Variants in SLC38A11 observed in about 807,000 individuals in gnomAD.
The protein encoded by SLC38A11 is solute carrier family 38 member 11.
SLC38A11 carries 51 observed loss-of-function variants against 49.4 expected under a neutral mutation model. That is an observed-to-expected ratio of 1.03 (90% confidence interval 0.83 to 1.30). The LOEUF is 1.30. Among genes scored for constraint, SLC38A11 ranks in the 50% most tolerant of loss-of-function variants. SLC38A11 has a pLI of 0.00. For synonymous variants in SLC38A11, 203 were observed against 192.9 expected (o/e 1.05, Z -0.43); for missense variants, 574 against 556.2 (o/e 1.03, Z -0.32).
In SLC38A11 at chr2:164,955,345, C is replaced by G. The variant is rs139992776; in HGVS notation, c.-98G>C. On this transcript the variant is annotated 5_prime_UTR_variant, in exon 1 of 12. Coordinates refer to ENST00000685975, the MANE Select transcript of SLC38A11 (RefSeq NM_001351537.2). ...CGCCACCTCGCACACAGCCGAGGTC[C>G]GCGTGTAGCCGCAGAGCTGCAGGGA... 26 of 1,182,616 alleles carry G rather than the reference C, an allele frequency of 2.2e-5. No homozygotes were observed. The highest frequency in any genetic ancestry group is 3.1e-5 in the Non-Finnish European group (25 of 816,924). The allele number at this position is 1,182,616 out of a possible 1,614,324, so 73.3% of individuals were successfully genotyped here.
At chr2:164,902,769 GTAACT>G (rs1327246259) in intron 11 of SLC38A11, among the ~76,000 whole-genome samples, 2 of 152,070 alleles carry the variant, frequency 1.3e-5, no homozygotes, top group Non-Finnish European at 2.9e-5. Context: ...TCCCAATTAT[GTAACT>G]TTTTGAATTT....
At position 164,947,051 on chromosome 2, in the gene SLC38A11, T is replaced by C. The variant is rs561135951; in HGVS notation, c.230-1324A>G. On this transcript the variant is annotated intron_variant, in intron 3 of 11. Coordinates refer to ENST00000685975, the MANE Select transcript of SLC38A11 (RefSeq NM_001351537.2). ...TTTTCTTCCTGCTGTTTTGGTCATT[T>C]ATACTCAATTTTTCACCAGTTTCTT... Among the ~76,000 whole-genome samples the C allele has an allele frequency of 2.6e-5, 4 of 151,880 alleles. No homozygotes were observed. In the East Asian group the frequency reaches 7.7e-4, roughly 29 times the overall value.
intron 11 of SLC38A11, among the ~76,000 whole-genome samples, chr2:164,904,901 T>C (rs1474396961): frequency 1.3e-5 from 2 of 152,124 alleles, no homozygotes; most frequent in African/African-American, 4.8e-5. Flanking sequence ...CTCAGAGTAG[T>C]GTAATGATTT....
intron 3 of SLC38A11, chr2:164,949,904 TTTGTTGTTG>T (rs138970597): frequency 6.6e-5 from 10 of 151,994 alleles, no homozygotes; most frequent in Non-Finnish European, 1.2e-4. Flanking sequence ...AATGCAATAT[TTTGTTGTTG>T]TTGTTGTTGT....
At chr2:164,947,643 T>C (rs1688229776) in intron 3 of SLC38A11, among the ~76,000 whole-genome samples, 1 of 152,246 alleles carries the variant, frequency 6.6e-6, no homozygotes, top group African/African-American at 2.4e-5. Flanking sequence ...AATTTGGTTA[T>C]TGGTTCTGGA....
At chr2:164,940,474 G>T (rs1476820284) in intron 5 of SLC38A11, among the ~76,000 whole-genome samples, 2 of 150,806 alleles carry the variant, frequency 1.3e-5, no homozygotes, top group Admixed American at 1.3e-4. Context: ...TTGTTACGAT[G>T]TCTTCAGTGG....
At chr2:164,924,038 C>A (rs118088094) in intron 7 of SLC38A11, among the ~76,000 whole-genome samples, 1 of 152,294 alleles carries the variant, frequency 6.6e-6, no homozygotes, top group East Asian at 1.9e-4. Flanking sequence ...CAGCAGTACT[C>A]ACAATAGCCA....
chr2:164,926,237 C>G (rs929874993), intron 7 of SLC38A11, among the ~76,000 whole-genome samples: 1 of 152,154 alleles, frequency 6.6e-6, no homozygotes, highest in African/African-American at 2.4e-5. Context: ...ACTTTCAATG[C>G]CCTATCAACT....
chr2:164,915,713 A>G lies in SLC38A11; in HGVS notation c.688+190T>C, dbSNP rs547768154. 1.7e-4 allele frequency: 93 copies of G among 534,132 alleles called. No homozygotes were observed. The East Asian group carries it at 2.4e-3, about 14-fold the overall frequency. 33.1% of individuals were successfully genotyped at this position (534,132 alleles called of 1,614,324 possible). A position where few individuals can be genotyped will look rare whatever the true frequency, so the allele number is the denominator to read the frequency against. ...TGAGAAATAGATTTCTCCAAATTGA[A>G]GCAAATTTTAGTGATGAGTGAGAAA... On this transcript the variant is annotated intron_variant, in intron 8 of 11. Coordinates refer to ENST00000685975, the MANE Select transcript of SLC38A11 (RefSeq NM_001351537.2).
At chr2:164,926,322 C>T (rs1314365050) in intron 7 of SLC38A11, among the ~76,000 whole-genome samples, 1 of 152,180 alleles carries the variant, frequency 6.6e-6, no homozygotes, top group South Asian at 2.1e-4. Context: ...ACTCTCTAGG[C>T]TCATTTCCTT....
chr2:164,908,840 T>G, intron 10 of SLC38A11, 69 bp from the exon 11 acceptor site: 1 of 1,486,984 alleles, frequency 6.7e-7, no homozygotes, highest in Non-Finnish European at 9.1e-7. Context: ...GGGAGTATTT[T>G]ACAATAGTAT....
At chr2:164,900,828 T>A (rs976796860) in intron 11 of SLC38A11, among the ~76,000 whole-genome samples, 1 of 151,406 alleles carries the variant, frequency 6.6e-6, no homozygotes, top group South Asian at 2.1e-4. Flanking sequence ...TATTTATTTT[T>A]AGTTTTATAG....
chr2:164,952,949 A>T (rs898808370), intron 2 of SLC38A11, 168 bp from the exon 3 acceptor site: 1 of 571,434 alleles, frequency 1.7e-6, no homozygotes, highest in African/African-American at 2.0e-5. Flanking sequence ...TTAGGTATTA[A>T]TACTTATTTC....
At chr2:164,929,422 C>A (rs560199984) in intron 7 of SLC38A11, among the ~76,000 whole-genome samples, 34 of 152,096 alleles carry the variant, frequency 2.2e-4, no homozygotes, top group Non-Finnish European at 4.0e-4. Flanking sequence ...CTGTAATCAT[C>A]ATACATCTTT....
intron 9 of SLC38A11, chr2:164,912,532 G>A (rs1685472764): frequency 6.6e-6 from 1 of 152,040 alleles, no homozygotes; most frequent in Admixed American, 6.6e-5. Flanking sequence ...AATCCTGAAA[G>A]GAAGAGTAAA....
At chr2:164,946,375 G>A (rs1028685205) in intron 3 of SLC38A11, among the ~76,000 whole-genome samples, 3 of 151,884 alleles carry the variant, frequency 2.0e-5, no homozygotes, top group Non-Finnish European at 2.9e-5. Context: ...AGGCCATCCC[G>A]GCCAACGTGG....
intron 3 of SLC38A11, among the ~76,000 whole-genome samples, chr2:164,951,527 TG>T (rs1483487733): frequency 1.3e-5 from 2 of 151,986 alleles, no homozygotes; most frequent in Admixed American, 6.6e-5. Flanking sequence ...AGGGTGGAGG[TG>T]GTAGGAAGAA....
chr2:164,931,516 C>A (rs2105487385), intron 7 of SLC38A11, among the ~76,000 whole-genome samples: 1 of 152,184 alleles, frequency 6.6e-6, no homozygotes, highest in East Asian at 1.9e-4. Flanking sequence ...TACCCAACTT[C>A]AAACTACACT....
At position 164,908,697 on chromosome 2, in the gene SLC38A11, A is replaced by G. The variant is rs367785675; in HGVS notation, c.1038T>C (p.Thr346=). 9 of 1,611,358 alleles carry G rather than the reference A, an allele frequency of 5.6e-6. No homozygotes were observed. The highest frequency in any genetic ancestry group is 1.7e-4 in the Middle Eastern group (1 of 6,052). Reference sequence around the variant, plus strand: ...TCAGCAATGACACAAGCGTGGCTACAGTGATGACCATCACTGTTACAACAA... The same window carrying G: ...TCAGCAATGACACAAGCGTGGCTACGGTGATGACCATCACTGTTACAACAA... The part of the protein sequence containing the change: ...FHIVVTVMVI[T]VATLVSLLID... The change falls in exon 11 of 12, where the codon ACT becomes ACC. Residue 346 remains threonine (T), a synonymous_variant. Coordinates refer to ENST00000685975, the MANE Select transcript of SLC38A11 (RefSeq NM_001351537.2).
Sources: gnomAD v4.1 joint callset for allele counts (sites outside exome capture counted in the v4.1 genomes callset) on GRCh38, gnomAD v4.1.1 for gene constraint, MANE v1.5 for transcripts, NCBI Gene and HGNC (gene_info 2026-07-23, HGNC 2026-07-21) for gene names.